The following CPLX1 variants were observed in gnomAD, a reference collection of about 807,000 sequenced individuals.
CPLX1 encodes complexin 1, also known as complexin-1.
Under a neutral mutation model 15.6 loss-of-function variants are expected in CPLX1, and 6 were observed. The ratio of observed to expected loss-of-function variants is 0.39; its 90% confidence interval spans 0.21 to 0.76. The LOEUF (loss-of-function observed/expected upper bound fraction) is 0.76, where lower values mean the gene tolerates loss of function less well. Ranked by LOEUF, CPLX1 falls within the 30% of genes least tolerant of loss-of-function variation. The pLI, the probability that CPLX1 is intolerant of heterozygous loss-of-function variation, is 0.43. For missense variants in CPLX1, 242 were observed against 188.6 expected (o/e 1.28, Z -1.66); for synonymous variants, 91 against 75.2 (o/e 1.21, Z -1.08).
At chr4:814,010 C>T (rs1049777090) in intron 2 of CPLX1, among the ~76,000 whole-genome samples, 3 of 152,226 alleles carry the variant, frequency 2.0e-5, no homozygotes, top group Non-Finnish European at 2.9e-5. Context: ...AAGACCACTG[C>T]CTGGGCATCG....
intron 2 of CPLX1, among the ~76,000 whole-genome samples, chr4:805,681 A>AC (rs1353240560): frequency 6.6e-6 from 1 of 152,206 alleles, no homozygotes; most frequent in East Asian, 1.9e-4. Context: ...AACCACAATA[A>AC]CCAAGAGGGA....
At chr4:813,810 C>G (rs1746703069) in intron 2 of CPLX1, among the ~76,000 whole-genome samples, 1 of 152,154 alleles carries the variant, frequency 6.6e-6, no homozygotes, top group Non-Finnish European at 1.5e-5. Context: ...TGCGGATTCC[C>G]AAGCATAAAA....
rs543394322 is a variant in CPLX1 at position 796,839 on chromosome 4, C to T, written c.32-4231G>A. Among the ~76,000 whole-genome samples, 14 of 152,152 alleles carry T rather than the reference C, an allele frequency of 9.2e-5. 1 individual carries two copies. The South Asian group carries it at 2.3e-3, about 25-fold the overall frequency. On this transcript the variant is annotated intron_variant, in intron 2 of 3. Transcript: ENST00000304062. ...AAAGGCCCATTTGCCAGGACAGACA[C>T]CTGAAGGAAAAAGAGGAGAGTGAGG...
chr4:805,223 G>A (rs544131403), intron 2 of CPLX1, among the ~76,000 whole-genome samples: 85 of 152,328 alleles, frequency 5.6e-4, no homozygotes, highest in African/African-American at 1.9e-3. Context: ...AAGGCAAAAA[G>A]GAAAAACAAT....
intron 2 of CPLX1, among the ~76,000 whole-genome samples, chr4:814,242 C>A (rs1381429437): frequency 2.0e-5 from 3 of 152,032 alleles, no homozygotes; most frequent in Admixed American, 1.3e-4. Flanking sequence ...AAGACGGAGT[C>A]TCGCTCTGTT....
rs200267276 is a variant in CPLX1 at position 786,566 on chromosome 4, C to T, written c.340G>A (p.Glu114Lys). 3 of 1,609,682 alleles carry T rather than the reference C, an allele frequency of 1.9e-6. No homozygotes were observed. The highest frequency in any genetic ancestry group is 2.5e-6 in the Non-Finnish European group (3 of 1,178,312). The part of the protein sequence containing the change: ...GCGDEVEEED[E>K]SILDTVIKYL... ...TTGATGACGGTGTCCAGGATGCTCT[C>T]GTCCTCCTCCTCCACCTCGTCCCCG... Residue 114 changes from glutamate to lysine, a missense_variant, in exon 4 of 4, where the codon GAG (glutamate) becomes AAG (lysine). Physicochemically the swap from Glu to Lys is moderately conservative, Grantham distance 56. Transcript: ENST00000304062.
At chr4:795,508 T>G (rs2152643965) in intron 2 of CPLX1, among the ~76,000 whole-genome samples, 1 of 152,264 alleles carries the variant, frequency 6.6e-6, no homozygotes, top group East Asian at 1.9e-4. Flanking sequence ...ACCCCGACTC[T>G]GATTGCAGGG....
chr4:794,455 G>A (rs375829365), intron 2 of CPLX1, among the ~76,000 whole-genome samples: 25 of 152,326 alleles, frequency 1.6e-4, no homozygotes, highest in African/African-American at 3.6e-4. Context: ...GTTTTCAGCC[G>A]CATCTGCCAT....
chr4:785,602 C>T lies in CPLX1; in HGVS notation c.*899G>A, dbSNP rs567861445. ...CACCAGGTGGATTAGGCCACACACG[C>T]GCCAGCTGCGCGCAGGGAACCCCGC... On this transcript the variant is annotated 3_prime_UTR_variant, in exon 4 of 4. Transcript: ENST00000304062. 3.3e-5 allele frequency: 5 copies of T among 152,568 alleles called. No individual in the cohort carries two copies. In the East Asian group the frequency reaches 9.7e-4, roughly 29 times the overall value. The allele number at this position is 152,568 out of a possible 1,614,324, so 9.5% of individuals were successfully genotyped here.
rs1233776094 is a variant in CPLX1 at position 786,571 on chromosome 4, T to G, written c.335A>C (p.Glu112Ala). The G allele has an allele frequency of 1.2e-6, 2 of 1,610,264 alleles. No homozygotes were observed. Residue 112 changes from glutamate (E) to alanine (A), a missense_variant, in exon 4 of 4, where the codon GAG (glutamate) becomes GCG (alanine). By Grantham distance (107) the Glu-to-Ala change is moderately radical. Coordinates refer to ENST00000304062, the MANE Select transcript of CPLX1 (RefSeq NM_006651.4). ...GACGGTGTCCAGGATGCTCTCGTCC[T>G]CCTCCTCCACCTCGTCCCCGCAGCC... ...PPGCGDEVEE[E>A]DESILDTVIK...
chr4:792,679 C>T, intron 2 of CPLX1, 71 bp from the exon 3 acceptor site: 4 of 1,498,798 alleles, frequency 2.7e-6, no homozygotes, highest in Admixed American at 1.9e-5. Flanking sequence ...CTCAGCCACA[C>T]TCCCCCACCT....
chr4:810,043 CTTTCT>C (rs1214144598), intron 2 of CPLX1, among the ~76,000 whole-genome samples: 1 of 136,804 alleles, frequency 7.3e-6, no homozygotes, highest in Admixed American at 7.2e-5. Context: ...TGGATCTGCA[CTTTCT>C]TTTTTTTTTT....
intron 2 of CPLX1, among the ~76,000 whole-genome samples, chr4:807,448 A>G (rs933538872): frequency 6.6e-5 from 10 of 151,988 alleles, no homozygotes; most frequent in Admixed American, 2.0e-4. Flanking sequence ...ACAAACCTAC[A>G]CATCCTGCAC....
chr4:794,934 G>T (rs11723514), intron 2 of CPLX1, among the ~76,000 whole-genome samples: 1 of 152,140 alleles, frequency 6.6e-6, no homozygotes, highest in African/African-American at 2.4e-5. Flanking sequence ...CTGCTCCAGG[G>T]GTGCCTGTGG....
chr4:792,386 T>A (rs1253697406), intron 3 of CPLX1, 47 bp downstream of exon 3: 1 of 1,465,578 alleles, frequency 6.8e-7, no homozygotes, highest in East Asian at 2.6e-5. Context: ...GGGTCCCCGC[T>A]GGACTCAGGG....
At chr4:818,611 C>T (rs1445047788) in intron 2 of CPLX1, among the ~76,000 whole-genome samples, 3 of 152,274 alleles carry the variant, frequency 2.0e-5, no homozygotes, top group East Asian at 1.9e-4. Context: ...TCCACACCGC[C>T]GAGGCCAGGA....
At chr4:824,622 C>T (rs1348773929) in intron 1 of CPLX1, 21 bp from the exon 2 acceptor site, 1 of 1,307,908 alleles carries the variant, frequency 7.6e-7, no homozygotes, top group Admixed American at 1.7e-5. Flanking sequence ...GTGAAGTGGT[C>T]ACAGGTCACC....
At chr4:824,952 G>A (rs573407997) in intron 1 of CPLX1, 9 of 365,042 alleles carry the variant, frequency 2.5e-5, no homozygotes, top group Non-Finnish European at 4.3e-5. Context: ...TCAGTGTCTG[G>A]AGCGGCGCCT....
intron 2 of CPLX1, among the ~76,000 whole-genome samples, chr4:795,917 C>T (rs901854834): frequency 6.6e-6 from 1 of 152,116 alleles, no homozygotes; most frequent in Non-Finnish European, 1.5e-5. Flanking sequence ...GTTTCCTCTG[C>T]AGACATCGGG....
Sources: allele counts gnomAD v4.1 joint callset (sites outside exome capture counted in the v4.1 genomes callset), GRCh38; gene constraint gnomAD v4.1.1; transcripts MANE v1.5; gene names NCBI Gene and HGNC (gene_info 2026-07-23, HGNC 2026-07-21).